The following PRKN variants were observed in gnomAD, a reference collection of about 807,000 sequenced individuals.
PRKN encodes E3 ubiquitin-protein ligase parkin.
Under a neutral mutation model 59.5 loss-of-function variants are expected in PRKN, and 56 were observed. The ratio of observed to expected loss-of-function variants is 0.94; its 90% CI spans 0.76 to 1.18. PRKN has a LOEUF of 1.18. Among genes scored for constraint, PRKN ranks in the 50% most tolerant of loss-of-function variants. The pLI is 0.00. For synonymous variants in PRKN, 250 were observed against 222.1 expected (o/e 1.13, Z -1.12); for missense variants, 657 against 596.4 (o/e 1.10, Z -1.06).
Position 161,560,967 on chromosome 6 carries a change from C to T in PRKN, c.933+8388G>A, listed in dbSNP as rs1441184969. Among the ~76,000 whole-genome samples, 3 of 152,208 alleles carry T rather than the reference C, an allele frequency of 2.0e-5. No individual in the cohort carries two copies. Among genetic ancestry groups the T allele is most frequent in the Non-Finnish European group, 4.4e-5 (3 of 68,050 alleles). On this transcript the variant is annotated intron_variant, in intron 8 of 11. Coordinates refer to ENST00000366898, the MANE Select transcript of PRKN (RefSeq NM_004562.3). This position sits in a 1 kb window ranked among gnomAD's most constrained non-coding sequence, Gnocchi z 4.9. Reference sequence around the variant, plus strand: ...CCACGCCTGGAAAACATCACCTCCACCTTCCCTGGGCGTGTAGCCCTGCAG... The same window carrying T: ...CCACGCCTGGAAAACATCACCTCCATCTTCCCTGGGCGTGTAGCCCTGCAG...
At chr6:162,006,962 T>G (rs1782281445) in intron 5 of PRKN, among the ~76,000 whole-genome samples, 1 of 152,230 alleles carries the variant, frequency 6.6e-6, no homozygotes, top group Admixed American at 6.5e-5. Flanking sequence ...TATGGCTTCA[T>G]TATCTATATA....
chr6:162,252,640 G>T (rs944296087), intron 3 of PRKN, among the ~76,000 whole-genome samples: 3 of 152,196 alleles, frequency 2.0e-5, no homozygotes, highest in Non-Finnish European at 4.4e-5. Flanking sequence ...CCATGAGAGG[G>T]CACGGCTGGA....
intron 1 of PRKN, among the ~76,000 whole-genome samples, chr6:162,522,209 T>C (rs1157245369): frequency 6.6e-6 from 1 of 152,212 alleles, no homozygotes; most frequent in Admixed American, 6.5e-5. Flanking sequence ...CTGCAACCTC[T>C]GCCTCCCAGG....
At chr6:162,166,259 C>T (rs181859075) in intron 4 of PRKN, among the ~76,000 whole-genome samples, 1 of 152,166 alleles carries the variant, frequency 6.6e-6, no homozygotes, top group African/African-American at 2.4e-5. Context: ...AAATCGCCAA[C>T]ATATTTTGCT....
At chr6:161,589,550 T>A (rs1781640463) in intron 7 of PRKN, among the ~76,000 whole-genome samples, 1 of 152,006 alleles carries the variant, frequency 6.6e-6, no homozygotes, top group Non-Finnish European at 1.5e-5. Flanking sequence ...TGGTCAAAGT[T>A]TTCAAAAGTT....
intron 9 of PRKN, among the ~76,000 whole-genome samples, chr6:161,432,677 T>C (rs1788704504): frequency 6.6e-6 from 1 of 151,648 alleles, no homozygotes; most frequent in African/African-American, 2.4e-5. Context: ...CCACTGCACC[T>C]AGCCTCTGAT....
At position 161,419,132 on chromosome 6, in the gene PRKN, G is replaced by T. The variant is rs1448022496; in HGVS notation, c.1084-32255C>A. ...GTCATTAGTGTTCACTAAATGCGTAGCTATGCAATGAAAATGGTGAGAATC... is the reference window on the plus strand; with the variant it reads ...GTCATTAGTGTTCACTAAATGCGTATCTATGCAATGAAAATGGTGAGAATC... On this transcript the variant is annotated intron_variant, in intron 9 of 11. Coordinates refer to ENST00000366898, the MANE Select transcript of PRKN (RefSeq NM_004562.3). This position sits in a 1 kb window ranked among gnomAD's most constrained non-coding sequence, Gnocchi z 4.1. 6.6e-6 allele frequency among the ~76,000 whole-genome samples: 1 copy of T among 152,214 alleles called. No individual in the cohort carries two copies. Among genetic ancestry groups the T allele is most frequent in the Non-Finnish European group, 1.5e-5 (1 of 68,038 alleles).
chr6:161,660,771 A>G (rs1470037459), intron 7 of PRKN, among the ~76,000 whole-genome samples: 1 of 152,084 alleles, frequency 6.6e-6, no homozygotes, highest in South Asian at 2.1e-4. Flanking sequence ...GATCTCATCC[A>G]TTCTTCTTGC....
chr6:162,556,281 A>C (rs1024433368), intron 1 of PRKN, among the ~76,000 whole-genome samples: 3 of 151,570 alleles, frequency 2.0e-5, no homozygotes, highest in Non-Finnish European at 2.9e-5. Flanking sequence ...CAAGTTGAGA[A>C]CAGCTTTGAT....
At chr6:161,996,207 C>T (rs548078986) in intron 5 of PRKN, among the ~76,000 whole-genome samples, 2 of 152,072 alleles carry the variant, frequency 1.3e-5, no homozygotes, top group African/African-American at 4.8e-5. Flanking sequence ...CACACGAGTA[C>T]TAATCAGCCA....
intron 4 of PRKN, among the ~76,000 whole-genome samples, chr6:162,108,268 C>T (rs1243928254): frequency 6.6e-6 from 1 of 152,164 alleles, no homozygotes; most frequent in Non-Finnish European, 1.5e-5. Context: ...CAGCCCTTTA[C>T]AGCCCTTTGA....
intron 7 of PRKN, among the ~76,000 whole-genome samples, chr6:161,754,386 G>A (rs2128195800): frequency 6.6e-6 from 1 of 152,166 alleles, no homozygotes; most frequent in South Asian, 2.1e-4. Flanking sequence ...TGGTTCCGGA[G>A]AAGTTCCTGC....
chr6:162,514,041 A>G (rs1396129298), intron 1 of PRKN, among the ~76,000 whole-genome samples: 1 of 152,108 alleles, frequency 6.6e-6, no homozygotes, highest in Non-Finnish European at 1.5e-5. Flanking sequence ...GCGAGACTCC[A>G]TCTCAAAAAA....
At chr6:161,833,779 G>A (rs1282478339) in intron 6 of PRKN, among the ~76,000 whole-genome samples, 1 of 152,172 alleles carries the variant, frequency 6.6e-6, no homozygotes, top group Non-Finnish European at 1.5e-5. Flanking sequence ...CACAGAGGTG[G>A]AGAAAGGGTA....
At chr6:162,445,467 A>T (rs970989447) in intron 1 of PRKN, among the ~76,000 whole-genome samples, 2 of 152,102 alleles carry the variant, frequency 1.3e-5, no homozygotes, top group African/African-American at 4.8e-5. Flanking sequence ...GGCAAGGATG[A>T]CTTGAGCCCA....
intron 1 of PRKN, among the ~76,000 whole-genome samples, chr6:162,651,667 A>G (rs1165287745): frequency 2.0e-5 from 3 of 152,276 alleles, no homozygotes; most frequent in South Asian, 2.1e-4. Flanking sequence ...GATCCTCAAT[A>G]TATGCCCATG....
chr6:161,732,064 T>C (rs978790657), intron 7 of PRKN, among the ~76,000 whole-genome samples: 3 of 151,700 alleles, frequency 2.0e-5, no homozygotes, highest in African/African-American at 4.9e-5. Context: ...CTAAGCCTAA[T>C]ACCCAACAGG....
chr6:161,914,338 A>C (rs1257439228), intron 6 of PRKN, among the ~76,000 whole-genome samples: 1 of 152,162 alleles, frequency 6.6e-6, no homozygotes, highest in African/African-American at 2.4e-5. Flanking sequence ...TTTTATGAAA[A>C]AGATATAGGC....
intron 7 of PRKN, among the ~76,000 whole-genome samples, chr6:161,680,657 A>C (rs1785283050): frequency 1.4e-5 from 2 of 147,362 alleles, no homozygotes; most frequent in Non-Finnish European, 3.0e-5. Flanking sequence ...GGCAGAAACA[A>C]GCCTGTCTCT....
Sources: allele counts gnomAD v4.1 joint callset (sites outside exome capture counted in the v4.1 genomes callset), GRCh38; gene constraint gnomAD v4.1.1; non-coding constraint Gnocchi (gnomAD v3.1); transcripts MANE v1.5; gene names NCBI Gene and HGNC (gene_info 2026-07-23, HGNC 2026-07-21).